Variants in PLAG1 observed in about 807,000 individuals in gnomAD.
PLAG1 encodes zinc finger protein PLAG1.
In PLAG1, 7 loss-of-function variants were observed where a neutral mutation model predicts 35.5. The observed-to-expected ratio is 0.20, with a 90% confidence interval of 0.11 to 0.37. PLAG1 has a LOEUF of 0.37. PLAG1 is among the 10% of genes least tolerant of loss of function. PLAG1 has a pLI of 1.00. For missense variants in PLAG1, 454 were observed against 602.8 expected, an observed-to-expected ratio of 0.75 and a Z score of 2.58; for synonymous variants, 229 against 225.4, an observed-to-expected ratio of 1.02 and a Z score of -0.14.
At chr8:56,182,108 T>C (rs1203637802) in intron 1 of PLAG1, among the ~76,000 whole-genome samples, 1 of 152,208 alleles carries the variant, frequency 6.6e-6, no homozygotes, top group Non-Finnish European at 1.5e-5. Context: ...TTCACACTCT[T>C]GTACTCATTA....
intron 1 of PLAG1, among the ~76,000 whole-genome samples, chr8:56,184,066 T>G (rs752220043): frequency 6.6e-6 from 1 of 152,096 alleles, no homozygotes; most frequent in Non-Finnish European, 1.5e-5. Flanking sequence ...TAGAACAACA[T>G]CTCTGCAAAG....
intron 1 of PLAG1, among the ~76,000 whole-genome samples, chr8:56,192,477 A>C (rs1812214786): frequency 6.6e-6 from 1 of 152,244 alleles, no homozygotes; most frequent in East Asian, 1.9e-4. Context: ...AGTACATGGG[A>C]AACAATCTTT....
intron 1 of PLAG1, among the ~76,000 whole-genome samples, chr8:56,200,118 G>C (rs1172207402): frequency 6.6e-6 from 1 of 152,130 alleles, no homozygotes; most frequent in Non-Finnish European, 1.5e-5. Flanking sequence ...GGCACGTGCT[G>C]CATATGCGGG....
Position 56,167,006 on chromosome 8 carries a change from G to A in PLAG1, c.740C>T (p.Pro247Leu), listed in dbSNP as rs1258703539. 6.2e-7 allele frequency: 1 copy of A among 1,614,026 alleles called. No homozygotes were observed. Among genetic ancestry groups the A allele is most frequent in the East Asian group, 2.2e-5 (1 of 44,902 alleles). Reference sequence around the variant, plus strand: ...GGTAAATGGGTCAAGGAAATCCACTGGTTCTGTTTTGACCTTCAGAAGCTC... The same window carrying A: ...GGTAAATGGGTCAAGGAAATCCACTAGTTCTGTTTTGACCTTCAGAAGCTC... ...NQELLKVKTE[P>L]VDFLDPFTCN... Residue 247 changes from proline (P) to leucine (L), a missense_variant, in exon 5 of 5, where the codon CCA (proline) becomes CTA (leucine). Around this residue, in one of 4 missense-constraint regions of PLAG1, gnomAD observed 271 missense variants for 315.6 expected, o/e 0.86. Coordinates refer to ENST00000316981, the MANE Select transcript of PLAG1 (RefSeq NM_002655.3). This position sits in a 1 kb window ranked among gnomAD's most constrained non-coding sequence, Gnocchi z 5.9.
At position 56,168,382 on chromosome 8, in the gene PLAG1, A is replaced by G; in HGVS notation, c.-113T>C. On this transcript the variant is annotated 5_prime_UTR_variant, in exon 4 of 5. Transcript: ENST00000316981. ...CATGTGGTCGTAAAAGAAAGCAAAAAGGGACTGGAAAAAAAAATAAGAAAC... is the reference window on the plus strand; with the variant it reads ...CATGTGGTCGTAAAAGAAAGCAAAAGGGGACTGGAAAAAAAAATAAGAAAC... The G allele has an allele frequency of 7.4e-7, 1 of 1,350,782 alleles. No individual in the cohort carries two copies. The highest frequency in any genetic ancestry group is 2.0e-4 in the Middle Eastern group (1 of 4,940). 83.7% of individuals were successfully genotyped at this position (1,350,782 alleles called of 1,614,324 possible).
intron 1 of PLAG1, among the ~76,000 whole-genome samples, chr8:56,183,817 T>C (rs1009799700): frequency 4.6e-5 from 7 of 152,158 alleles, no homozygotes; most frequent in Non-Finnish European, 8.8e-5. Context: ...TCTCACACCA[T>C]ATAGAAAACT....
In PLAG1 at chr8:56,162,343, C is replaced by T. The variant is rs146133083; in HGVS notation, c.*3900G>A. 30 of 226,530 alleles carry T rather than the reference C, an allele frequency of 1.3e-4. No individual in the cohort carries two copies. The highest frequency in any genetic ancestry group is 2.9e-4 in the Admixed American group (5 of 17,534). 14.0% of individuals were successfully genotyped at this position (226,530 alleles called of 1,614,324 possible). ...ACTTACGTACTGGGAAGACAGTGTG[C>T]TTTGAGACACGTAAACCTTGTAAAA... On this transcript the variant is annotated 3_prime_UTR_variant, in exon 5 of 5. Coordinates refer to ENST00000316981, the MANE Select transcript of PLAG1 (RefSeq NM_002655.3).
chr8:56,175,010 T>C (rs985079136), intron 2 of PLAG1, among the ~76,000 whole-genome samples: 1 of 152,184 alleles, frequency 6.6e-6, no homozygotes, highest in Non-Finnish European at 1.5e-5. Flanking sequence ...TAATCCCTCA[T>C]GGATAGCAAG....
chr8:56,202,469 A>C (rs1198869944), intron 1 of PLAG1, among the ~76,000 whole-genome samples: 1 of 152,228 alleles, frequency 6.6e-6, no homozygotes, highest in Non-Finnish European at 1.5e-5. Context: ...GTGTGCCTGA[A>C]ATCTGATTAG....
chr8:56,168,602 T>C (rs1811425025), intron 3 of PLAG1, among the ~76,000 whole-genome samples: 1 of 152,190 alleles, frequency 6.6e-6, no homozygotes, highest in African/African-American at 2.4e-5. Flanking sequence ...AGTTCATACA[T>C]ACCCTGAAAT....
At position 56,161,638 on chromosome 8, in the gene PLAG1, T is replaced by C. The variant is rs1467660625; in HGVS notation, c.*4605A>G. 18 of 227,938 alleles carry C rather than the reference T, an allele frequency of 7.9e-5. No homozygotes were observed. The Admixed American group carries it at 8.5e-4, about 11-fold the overall frequency. 14.1% of individuals were successfully genotyped at this position (227,938 alleles called of 1,614,324 possible). On this transcript the variant is annotated 3_prime_UTR_variant, in exon 5 of 5. Coordinates refer to ENST00000316981, the MANE Select transcript of PLAG1 (RefSeq NM_002655.3). ...TTTGCAAGTGCACATGAATACATTG[T>C]GGTGGTGTAAAAGTTTGTTAATGAC...
In PLAG1 at chr8:56,166,032, A is replaced by T; in HGVS notation, c.*211T>A. 1 of 332,368 alleles carries T rather than the reference A, an allele frequency of 3.0e-6. No homozygotes were observed. The highest frequency in any genetic ancestry group is 5.5e-6 in the Non-Finnish European group (1 of 182,076). The allele number at this position is 332,368 out of a possible 1,614,324, so 20.6% of individuals were successfully genotyped here. On this transcript the variant is annotated 3_prime_UTR_variant, in exon 5 of 5. Coordinates refer to ENST00000316981, the MANE Select transcript of PLAG1 (RefSeq NM_002655.3). ...AAAATGTGACAATTGGCAGTGAATCAGGACAAAATACCCAGGTAAACTTAA... is the reference window on the plus strand; with the variant it reads ...AAAATGTGACAATTGGCAGTGAATCTGGACAAAATACCCAGGTAAACTTAA...
chr8:56,177,577 G>A (rs1008550660), intron 2 of PLAG1, among the ~76,000 whole-genome samples: 2 of 152,108 alleles, frequency 1.3e-5, no homozygotes, highest in Admixed American at 1.3e-4. Context: ...TGACCTGTCT[G>A]ACCTGTCTCT....
chr8:56,170,052 A>G (rs75960200), intron 3 of PLAG1, among the ~76,000 whole-genome samples: 1,902 of 152,264 alleles, frequency 0.012, 43 homozygotes, highest in African/African-American at 0.043. Context: ...AATTAACTCT[A>G]TGTTACAATA....
At chr8:56,190,816 C>T (rs1261703539) in intron 1 of PLAG1, among the ~76,000 whole-genome samples, 1 of 152,028 alleles carries the variant, frequency 6.6e-6, no homozygotes, top group Non-Finnish European at 1.5e-5. Flanking sequence ...CAAAGACCAT[C>T]AAGGCACAGG....
Position 56,198,549 on chromosome 8 carries a change from C to T in PLAG1, c.-322+12572G>A, listed in dbSNP as rs538475939. On this transcript the variant is annotated intron_variant, in intron 1 of 4. Coordinates refer to ENST00000316981, the MANE Select transcript of PLAG1 (RefSeq NM_002655.3). Reference sequence around the variant, plus strand: ...ACTCAGGGCCAGCGGTCCTCATAGACGTTACAAGACAGTCCAGCAAGATGG... The same window carrying T: ...ACTCAGGGCCAGCGGTCCTCATAGATGTTACAAGACAGTCCAGCAAGATGG... Among the ~76,000 whole-genome samples the T allele has an allele frequency of 6.6e-5, 10 of 152,232 alleles. 1 individual carries two copies. The highest frequency in any genetic ancestry group is 4.1e-4 in the South Asian group (2 of 4,836).
At chr8:56,210,274 T>C (rs569591382) in intron 1 of PLAG1, among the ~76,000 whole-genome samples, 1 of 152,312 alleles carries the variant, frequency 6.6e-6, no homozygotes, top group East Asian at 1.9e-4. Context: ...TAGGGATTTT[T>C]TGCGATTTTT....
In PLAG1 at chr8:56,168,196, C is replaced by G. The variant is rs149809434; in HGVS notation, c.74G>C (p.Arg25Pro). ...GTTTTTTCTTGGTTTGGTTTCACCA[C>G]GCTTACGTTTCCCTGAAGGGACTTT... ...TQKVPSGKRK[R>P]GETKPRKNFP... Residue 25 changes from arginine (R) to proline (P), a missense_variant, in exon 4 of 5, where the codon CGT (arginine) becomes CCT (proline). Physicochemically the swap from Arg to Pro is moderately radical, Grantham distance 103 (BLOSUM62 -2). Transcript: ENST00000316981. 1.9e-6 allele frequency: 3 copies of G among 1,613,728 alleles called. No homozygotes were observed. In the African/African-American group the frequency reaches 4.0e-5, roughly 22 times the overall value.
In PLAG1 at chr8:56,162,224, G is replaced by A. The variant is rs576877485; in HGVS notation, c.*4019C>T. The A allele has an allele frequency of 8.7e-6, 2 of 229,000 alleles. No individual in the cohort carries two copies. Among genetic ancestry groups the A allele is most frequent in the African/African-American group, 2.2e-5 (1 of 45,226 alleles). 14.2% of individuals were successfully genotyped at this position (229,000 alleles called of 1,614,324 possible). ...TTACCAGAACTAACAGCCAGCCATT[G>A]CTAATGACGAATACTAAACATTTAA... On this transcript the variant is annotated 3_prime_UTR_variant, in exon 5 of 5. Coordinates refer to ENST00000316981, the MANE Select transcript of PLAG1 (RefSeq NM_002655.3).
Sources: gnomAD v4.1 joint callset for allele counts (sites outside exome capture counted in the v4.1 genomes callset) on GRCh38, gnomAD v4.1.1 for gene constraint, gnomAD v4.1.1 regional missense constraint, Gnocchi (gnomAD v3.1) non-coding constraint, MANE v1.5 for transcripts, NCBI Gene and HGNC (gene_info 2026-07-23, HGNC 2026-07-21) for gene names.